Variants in AGBL1 observed in about 807,000 individuals in gnomAD.
AGBL1 encodes the protein AGBL carboxypeptidase 1.
In AGBL1, 130 loss-of-function variants were observed where a neutral mutation model predicts 118.9. That is an observed-to-expected ratio of 1.09 (90% CI 0.95 to 1.26). The LOEUF (loss-of-function observed/expected upper bound fraction) is 1.26, where lower values mean the gene tolerates loss of function less well. Ranked by LOEUF, AGBL1 falls within the 50% of genes most tolerant of loss-of-function variation. The pLI, the probability that AGBL1 is intolerant of heterozygous loss-of-function variation, is 0.00. For missense variants in AGBL1, 1,584 were observed against 1,298.1 expected, an observed-to-expected ratio of 1.22 and a Z score of -3.38; for synonymous variants, 555 against 478.9, an observed-to-expected ratio of 1.16 and a Z score of -2.08.
chr15:86,363,535 C>T (rs749529453), intron 17 of AGBL1, among the ~76,000 whole-genome samples: 17 of 152,170 alleles, frequency 1.1e-4, no homozygotes, highest in Non-Finnish European at 2.2e-4. Context: ...CTTCCCTTGA[C>T]CTCCATGGCA....
Position 86,907,301 on chromosome 15 carries a change from G to C in AGBL1, c.*7G>C, listed in dbSNP as rs1459873345. ...AGGAGAAGCCATCCCATAGCCCCGA[G>C]GTTCACAGCAAGTTCTGTGTCTCCA... On this transcript the variant is annotated 3_prime_UTR_variant, in exon 23 of 23. Coordinates refer to ENST00000614907, the MANE Select transcript of AGBL1 (RefSeq NM_001386094.1). The C allele has an allele frequency of 2.6e-5, 4 of 152,292 alleles. No homozygotes were observed. Among genetic ancestry groups the C allele is most frequent in the Non-Finnish European group, 5.9e-5 (4 of 68,202 alleles). The allele number at this position is 152,292 out of a possible 1,614,324, so 9.4% of individuals were successfully genotyped here.
intron 21 of AGBL1, among the ~76,000 whole-genome samples, chr15:86,578,564 G>T (rs781414624): frequency 1.3e-5 from 2 of 152,170 alleles, no homozygotes; most frequent in Non-Finnish European, 2.9e-5. Context: ...GCCAAGTGTG[G>T]AATGATATGG....
intron 22 of AGBL1, among the ~76,000 whole-genome samples, chr15:86,755,456 A>G (rs1403986063): frequency 6.6e-6 from 1 of 152,096 alleles, no homozygotes. Context: ...AAATGCCAGG[A>G]ACAAGAAGTT....
intron 18 of AGBL1, among the ~76,000 whole-genome samples, chr15:86,440,805 C>T (rs984153622): frequency 3.9e-5 from 6 of 152,138 alleles, no homozygotes; most frequent in Non-Finnish European, 7.3e-5. Flanking sequence ...AGAACATTCT[C>T]ATAAGTGACA....
At chr15:86,841,205 C>G (rs1388581181) in intron 22 of AGBL1, among the ~76,000 whole-genome samples, 1 of 152,092 alleles carries the variant, frequency 6.6e-6, no homozygotes. Context: ...GGCAGTTGAC[C>G]AAACAGATAA....
intron 1 of AGBL1, among the ~76,000 whole-genome samples, chr15:86,124,432 T>G (rs1898292133): frequency 6.6e-6 from 1 of 151,608 alleles, no homozygotes; most frequent in Non-Finnish European, 1.5e-5. Flanking sequence ...TTTTGACAAA[T>G]GTATCATGCT....
intron 19 of AGBL1, among the ~76,000 whole-genome samples, chr15:86,532,819 T>C (rs1174473983): frequency 1.2e-5 from 1 of 84,572 alleles, no homozygotes; most frequent in Non-Finnish European, 2.2e-5. Context: ...TACCTACAAC[T>C]ATCTGATCTT....
At chr15:86,238,032 C>A (rs1445539032) in intron 6 of AGBL1, among the ~76,000 whole-genome samples, 1 of 152,190 alleles carries the variant, frequency 6.6e-6, no homozygotes, top group Non-Finnish European at 1.5e-5. Context: ...ATCCTGGTTC[C>A]TTCTTGTCGC....
chr15:86,248,503 A>T (rs527814098), intron 7 of AGBL1, among the ~76,000 whole-genome samples: 18 of 152,284 alleles, frequency 1.2e-4, no homozygotes, highest in Admixed American at 1.0e-3. Context: ...AACTTTGAAG[A>T]AGTCACTCAA....
chr15:87,016,518 A>G (rs974358613), intron 24 of AGBL1, among the ~76,000 whole-genome samples: 4 of 152,210 alleles, frequency 2.6e-5, no homozygotes, highest in African/African-American at 9.6e-5. Context: ...TAAACTGAGG[A>G]CATTATAAAA....
At chr15:86,810,544 A>G (rs2034633) in intron 22 of AGBL1, among the ~76,000 whole-genome samples, 16,223 of 152,134 alleles carry the variant, frequency 0.11, 966 homozygotes, top group South Asian at 0.17. Context: ...ACTAGGAAAT[A>G]TACTGTGGGG....
At chr15:86,658,979 A>G (rs2085500784) in intron 21 of AGBL1, among the ~76,000 whole-genome samples, 1 of 152,134 alleles carries the variant, frequency 6.6e-6, no homozygotes, top group Non-Finnish European at 1.5e-5. Context: ...TACGCAGAAC[A>G]TGTGTTGGCT....
At position 86,682,432 on chromosome 15, in the gene AGBL1, A is replaced by C. The variant is rs537342808; in HGVS notation, c.3158+7996A>C. ...TCTTCTATAATAGATAAATTAAAAT[A>C]GTGAAAACCCAGTGTTCACATTTCT... On this transcript the variant is annotated intron_variant, in intron 22 of 22. Coordinates refer to ENST00000614907, the MANE Select transcript of AGBL1 (RefSeq NM_001386094.1). 6.6e-5 allele frequency among the ~76,000 whole-genome samples: 10 copies of C among 152,324 alleles called. No homozygotes were observed. In the South Asian group the frequency reaches 2.1e-3, roughly 32 times the overall value.
In AGBL1 at chr15:86,615,635, A is replaced by C. The variant is rs2084710655; in HGVS notation, c.2995-58638A>C. Among the ~76,000 whole-genome samples the C allele has an allele frequency of 1.3e-5, 2 of 152,218 alleles. No individual in the cohort carries two copies. The highest frequency in any genetic ancestry group is 6.5e-5 in the Admixed American group (1 of 15,284). ...CAATCTAATCTGAGTGTAACAGAGC[A>C]CTGAGGCTCCGGTTCACCTCTGGAC... On this transcript the variant is annotated intron_variant, in intron 21 of 22. Coordinates refer to ENST00000614907, the MANE Select transcript of AGBL1 (RefSeq NM_001386094.1). This position sits in a 1 kb window ranked among gnomAD's most constrained non-coding sequence, Gnocchi z 4.3.
At chr15:86,677,986 A>G (rs2085879647) in intron 22 of AGBL1, among the ~76,000 whole-genome samples, 1 of 150,236 alleles carries the variant, frequency 6.7e-6, no homozygotes, top group South Asian at 2.1e-4. Context: ...TCTGTTTTTA[A>G]CTTAATTTAT....
chr15:86,266,453 C>G lies in AGBL1; in HGVS notation c.1747C>G (p.Pro583Ala), dbSNP rs745463123. 1.5e-5 allele frequency: 23 copies of G among 1,561,604 alleles called. No individual in the cohort carries two copies. Among genetic ancestry groups the G allele is most frequent in the Non-Finnish European group, 2.0e-5 (23 of 1,150,346 alleles). Residue 583 changes from proline to alanine, a missense_variant, in exon 12 of 23, where the codon CCT becomes GCT. By Grantham distance (27) the Pro-to-Ala change is conservative. Coordinates refer to ENST00000614907, the MANE Select transcript of AGBL1 (RefSeq NM_001386094.1). ...TAAAGTTGTCTTCAGTTTAGATGAG[C>G]CTTGGTAGGTAGTCTCGTGCATCTG... ...INKVVFSLDE[P>A]WPLQDNASNC...
chr15:86,690,400 A>G (rs1188679696), intron 22 of AGBL1, among the ~76,000 whole-genome samples: 1 of 152,184 alleles, frequency 6.6e-6, no homozygotes, highest in Non-Finnish European at 1.5e-5. Flanking sequence ...ACCAACTCTG[A>G]AATACAAATG....
intron 1 of AGBL1, among the ~76,000 whole-genome samples, chr15:86,135,909 A>T (rs904918651): frequency 6.6e-6 from 1 of 152,204 alleles, no homozygotes; most frequent in African/African-American, 2.4e-5. Flanking sequence ...CACCCGGTTC[A>T]TGTGGAATAC....
At position 86,909,895 on chromosome 15, in the gene AGBL1, A is replaced by T. The variant is rs1188407768; in HGVS notation, c.*2601A>T. 6.6e-6 allele frequency: 1 copy of T among 152,234 alleles called. No individual in the cohort carries two copies. Among genetic ancestry groups the T allele is most frequent in the Non-Finnish European group, 1.5e-5 (1 of 68,038 alleles). 9.4% of individuals were successfully genotyped at this position (152,234 alleles called of 1,614,324 possible). A position where few individuals can be genotyped will look rare whatever the true frequency, so the allele number is the denominator to read the frequency against. On this transcript the variant is annotated 3_prime_UTR_variant, in exon 23 of 23. Coordinates refer to ENST00000614907, the MANE Select transcript of AGBL1 (RefSeq NM_001386094.1). ...CATGACAGATAAGTTTTTATGTGGC[A>T]TGTTCAGAAAAAGCCAGGAACATGA...
Sources: allele counts gnomAD v4.1 joint callset (sites outside exome capture counted in the v4.1 genomes callset), GRCh38; gene constraint gnomAD v4.1.1; non-coding constraint Gnocchi (gnomAD v3.1); transcripts MANE v1.5; gene names NCBI Gene and HGNC (gene_info 2026-07-23, HGNC 2026-07-21).